The following PCDH11X variants were observed in gnomAD, a reference collection of about 807,000 sequenced individuals.
The protein encoded by PCDH11X is protocadherin 11 X-linked.
PCDH11X carries 18 observed loss-of-function variants against 53.3 expected under a neutral mutation model. The observed-to-expected ratio is 0.34, with a 90% CI of 0.23 to 0.50. The LOEUF is 0.50. PCDH11X is among the 20% of genes least tolerant of loss of function. The pLI is 0.98. For missense variants in PCDH11X, 570 were observed against 1,032.4 expected (o/e 0.55, Z 6.14); for synonymous variants, 279 against 393.3 (o/e 0.71, Z 3.44).
chrX:91,828,638 C>A (rs1465726786), intron 4 of PCDH11X, among the ~76,000 whole-genome samples: 2 of 111,260 alleles, frequency 1.8e-5, no homozygotes, highest in African/African-American at 6.5e-5. Flanking sequence ...GCTGAGGCAT[C>A]TGTTATTAGG....
chrX:92,381,345 A>G (rs1178991637), intron 8 of PCDH11X, among the ~76,000 whole-genome samples: 2 of 111,341 alleles, frequency 1.8e-5, no homozygotes, highest in Non-Finnish European at 3.8e-5. Context: ...GTGCTAATGA[A>G]CACCAGGTAA....
chrX:92,030,196 C>T (rs1253867022), intron 6 of PCDH11X, among the ~76,000 whole-genome samples: 18 of 111,598 alleles, frequency 1.6e-4, no homozygotes, highest in Non-Finnish European at 3.2e-4. Context: ...CTCTTGACCT[C>T]GTGATCTGCC....
intron 10 of PCDH11X, among the ~76,000 whole-genome samples, chrX:92,579,890 A>G: frequency 9.0e-6 from 1 of 110,983 alleles, no homozygotes; most frequent in East Asian, 2.9e-4. Context: ...TCTACCTCGG[A>G]TCTTAGAGGC....
intron 8 of PCDH11X, among the ~76,000 whole-genome samples, chrX:92,307,812 A>T (rs2068480690): frequency 9.5e-6 from 1 of 105,388 alleles, no homozygotes; most frequent in Non-Finnish European, 1.9e-5. Context: ...ATACATTACA[A>T]GTAAAGTTGG....
In PCDH11X at chrX:91,947,244, G is replaced by T. The variant is rs187443823; in HGVS notation, c.3033+67971G>T. 2.8e-4 allele frequency among the ~76,000 whole-genome samples: 31 copies of T among 109,573 alleles called. No individual in the cohort carries two copies. The East Asian group carries it at 9.0e-3, about 32-fold the overall frequency. On this transcript the variant is annotated intron_variant, in intron 6 of 10. Coordinates refer to ENST00000682573, the MANE Select transcript of PCDH11X (RefSeq NM_032968.5). Reference sequence around the variant, plus strand: ...AAAAAATCTTGATATTAGACTCCAAGAAATGATTATTATCAACATCATTCA... The same window carrying T: ...AAAAAATCTTGATATTAGACTCCAATAAATGATTATTATCAACATCATTCA...
At chrX:92,392,973 A>G (rs1295408230) in intron 9 of PCDH11X, among the ~76,000 whole-genome samples, 1 of 110,381 alleles carries the variant, frequency 9.1e-6, no homozygotes, top group East Asian at 2.8e-4. Context: ...ATCTGAGTCC[A>G]CAGTTCAGCT....
chrX:92,475,649 T>C (rs1176271734), intron 10 of PCDH11X, among the ~76,000 whole-genome samples: 1 of 111,901 alleles, frequency 8.9e-6, no homozygotes, highest in Non-Finnish European at 1.9e-5. Flanking sequence ...ATTAAATGCT[T>C]CGAGATAGTC....
chrX:91,905,552 C>A (rs1373102192), intron 6 of PCDH11X, among the ~76,000 whole-genome samples: 1 of 111,061 alleles, frequency 9.0e-6, no homozygotes, highest in African/African-American at 3.3e-5. Flanking sequence ...ATAATAATTG[C>A]TTTTTGTATA....
intron 6 of PCDH11X, among the ~76,000 whole-genome samples, chrX:92,170,267 A>C (rs1212710548): frequency 9.1e-6 from 1 of 110,328 alleles, no homozygotes; most frequent in Non-Finnish European, 1.9e-5. Flanking sequence ...ATTTAAGGGA[A>C]AATATTAATT....
At position 92,212,006 on chromosome X, in the gene PCDH11X, CT is replaced by C. The variant is rs56939635; in HGVS notation, c.3114+10571del. On this transcript the variant is annotated intron_variant, in intron 7 of 10. Transcript: ENST00000682573. ...CTATGTGGTGGGGCCACTTGCAATG[CT>C]TTTTTTTTTTTTTTTTTTTCCTGAG... Among the ~76,000 whole-genome samples, 473 of 64,565 alleles carry C rather than the reference CT, an allele frequency of 7.3e-3. 4 individuals are homozygous for C. Among genetic ancestry groups the C allele is most frequent in the African/African-American group, 0.027 (423 of 15,521 alleles). 56.1% of individuals were successfully genotyped at this position (64,565 alleles called of 115,157 possible).
At chrX:91,995,783 A>G (rs1442283610) in intron 6 of PCDH11X, among the ~76,000 whole-genome samples, 1 of 111,063 alleles carries the variant, frequency 9.0e-6, no homozygotes, top group Non-Finnish European at 1.9e-5. Flanking sequence ...TATCATAGAC[A>G]TGGTAACACT....
intron 6 of PCDH11X, among the ~76,000 whole-genome samples, chrX:92,172,536 T>G (rs1273498218): frequency 2.7e-5 from 3 of 109,111 alleles, no homozygotes; most frequent in African/African-American, 1.0e-4. Flanking sequence ...ACTATAGGTG[T>G]GTGCCACCAT....
At chrX:92,112,959 A>G (rs773478662) in intron 6 of PCDH11X, among the ~76,000 whole-genome samples, 28 of 109,982 alleles carry the variant, frequency 2.5e-4, no homozygotes, top group Non-Finnish European at 5.1e-4. Context: ...CCTGAAGAAC[A>G]TATGACCTTA....
intron 10 of PCDH11X, among the ~76,000 whole-genome samples, chrX:92,534,449 G>A (rs746625590): frequency 1.3e-4 from 14 of 111,101 alleles, no homozygotes; most frequent in Admixed American, 8.6e-4. Context: ...TGAAAGTGAC[G>A]GGGAGAATGG....
At chrX:92,192,457 C>T (rs997048633) in intron 6 of PCDH11X, among the ~76,000 whole-genome samples, 1 of 110,951 alleles carries the variant, frequency 9.0e-6, no homozygotes, top group Non-Finnish European at 1.9e-5. Flanking sequence ...ATTCTCCTGC[C>T]TCAGCCTCCC....
intron 10 of PCDH11X, among the ~76,000 whole-genome samples, chrX:92,485,355 T>C (rs2073620057): frequency 9.0e-6 from 1 of 111,211 alleles, no homozygotes; most frequent in Non-Finnish European, 1.9e-5. Flanking sequence ...TGTTCACATG[T>C]TTTTATACAT....
chrX:92,124,459 C>T (rs1298731552), intron 6 of PCDH11X, among the ~76,000 whole-genome samples: 3 of 109,298 alleles, frequency 2.7e-5, no homozygotes, highest in African/African-American at 3.3e-5. Context: ...ACAGGAGAAT[C>T]GCTTGAACCT....
At chrX:92,614,830 G>A (rs1281853981) in intron 10 of PCDH11X, among the ~76,000 whole-genome samples, 3 of 111,940 alleles carry the variant, frequency 2.7e-5, no homozygotes, top group East Asian at 2.8e-4. Context: ...AATCCAGGTC[G>A]GAGAGCGAGT....
intron 7 of PCDH11X, among the ~76,000 whole-genome samples, chrX:92,237,174 T>A (rs6618929): frequency 9.0e-6 from 1 of 111,279 alleles, no homozygotes; most frequent in Admixed American, 9.6e-5. Context: ...AAGTATATTT[T>A]AAAAATTTAT....
Sources: allele counts gnomAD v4.1 joint callset (sites outside exome capture counted in the v4.1 genomes callset), GRCh38; gene constraint gnomAD v4.1.1; transcripts MANE v1.5; gene names NCBI Gene and HGNC (gene_info 2026-07-23, HGNC 2026-07-21).